Variants in ZNF680 observed in about 807,000 individuals in gnomAD.
ZNF680 encodes hypothetical protein FLJ90430.
Under a neutral mutation model 12.1 loss-of-function variants are expected in ZNF680, and 6 were observed. The ratio of observed to expected loss-of-function variants is 0.49; its 90% CI spans 0.27 to 0.98. The LOEUF (loss-of-function observed/expected upper bound fraction) is 0.98, where lower values mean the gene tolerates loss of function less well. Among genes scored for constraint, ZNF680 ranks in the 50% least tolerant of loss-of-function variants. The pLI is 0.12. For missense variants in ZNF680, 561 were observed against 616.3 expected (o/e 0.91, Z 0.95); for synonymous variants, 170 against 199.3 (o/e 0.85, Z 1.24).
intron 3 of ZNF680, among the ~76,000 whole-genome samples, chr7:64,528,990 C>T (rs565955675): frequency 6.6e-6 from 1 of 152,284 alleles, no homozygotes; most frequent in African/African-American, 2.4e-5. Context: ...AAACAGTTCA[C>T]AACACAGAAC....
intron 3 of ZNF680, among the ~76,000 whole-genome samples, chr7:64,528,133 G>A (rs766505870): frequency 9.9e-5 from 15 of 152,152 alleles, no homozygotes; most frequent in Admixed American, 3.3e-4. Context: ...GGTGGAAGAA[G>A]CAGCAGAAAA....
intron 3 of ZNF680, among the ~76,000 whole-genome samples, chr7:64,538,433 A>G (rs1786296783): frequency 6.6e-6 from 1 of 151,816 alleles, no homozygotes; most frequent in Non-Finnish European, 1.5e-5. Flanking sequence ...AAGTTGAATA[A>G]CAACTTAGAA....
At position 64,543,785 on chromosome 7, in the gene ZNF680, G is replaced by A. The variant is rs1344070853; in HGVS notation, c.175C>T (p.Pro59Ser). The A allele has an allele frequency of 1.2e-6, 2 of 1,612,930 alleles. No individual in the cohort carries two copies. Among genetic ancestry groups the A allele is most frequent in the South Asian group, 2.2e-5 (2 of 90,908 alleles). Residue 59 changes from proline to serine, a missense_variant, in exon 3 of 4, where the codon CCT (proline) becomes TCT (serine). Transcript: ENST00000309683. ...LVFLGIAVSK[P>S]HLITCLEQGK... ...TGCTCCAAACAGGTTATCAGGTGAG[G>A]CTTAGAGACAGCAATACCTGTTTTA...
rs148200049 is a variant in ZNF680 at position 64,549,591 on chromosome 7, C to T, written c.31-5159G>A. Reference sequence around the variant, plus strand: ...GGTGGCATCAACCTAGCTCTGCATTCTTGGGTGTTACAGCAAATGAGGTAC... The same window carrying T: ...GGTGGCATCAACCTAGCTCTGCATTTTTGGGTGTTACAGCAAATGAGGTAC... On this transcript the variant is annotated intron_variant, in intron 1 of 3. Transcript: ENST00000309683. 1.4e-4 allele frequency among the ~76,000 whole-genome samples: 21 copies of T among 151,986 alleles called. No individual in the cohort carries two copies. In the East Asian group the frequency reaches 4.1e-3, roughly 30 times the overall value.
chr7:64,557,236 G>A (rs1787465520), intron 1 of ZNF680, among the ~76,000 whole-genome samples: 1 of 150,818 alleles, frequency 6.6e-6, no homozygotes, highest in South Asian at 2.1e-4. Flanking sequence ...GGGCGACAGA[G>A]CGAGACACTG....
At chr7:64,558,205 A>G (rs1787527857) in intron 1 of ZNF680, among the ~76,000 whole-genome samples, 1 of 152,056 alleles carries the variant, frequency 6.6e-6, no homozygotes. Flanking sequence ...CTGCAGATTC[A>G]GTGTCTGGGG....
chr7:64,510,018 A>G, the ZNF680 span, among the ~76,000 whole-genome samples: 1 of 137,756 alleles, frequency 7.3e-6, no homozygotes, highest in Non-Finnish European at 1.6e-5. Flanking sequence ...TTAACCGTAA[A>G]ACTCTAAAAA....
intron 2 of ZNF680, 132 bp from the exon 3 acceptor site, chr7:64,543,934 C>T (rs1362948949): frequency 6.4e-6 from 5 of 781,978 alleles, no homozygotes; most frequent in South Asian, 2.0e-5. Context: ...TTATAACAGA[C>T]ATTTCTAAAT....
chr7:64,501,806 G>C, the ZNF680 span: 14 of 652,678 alleles, frequency 2.1e-5, no homozygotes, highest in Admixed American at 2.7e-4. Flanking sequence ...TTTTTTACCA[G>C]ATCTTCTTCT....
chr7:64,510,500 T>C, the ZNF680 span, among the ~76,000 whole-genome samples: 4 of 152,178 alleles, frequency 2.6e-5, no homozygotes, highest in East Asian at 7.7e-4. Flanking sequence ...AATCTAATTT[T>C]GCTCAGCCTC....
intron 3 of ZNF680, among the ~76,000 whole-genome samples, chr7:64,528,065 G>C (rs1376288269): frequency 6.6e-6 from 1 of 152,158 alleles, no homozygotes; most frequent in African/African-American, 2.4e-5. Flanking sequence ...TAGTTTGTGG[G>C]AGAAGATGCC....
At chr7:64,514,409 T>C in the ZNF680 span, among the ~76,000 whole-genome samples, 4 of 152,208 alleles carry the variant, frequency 2.6e-5, no homozygotes, top group African/African-American at 4.8e-5. Flanking sequence ...CTGCTAACTG[T>C]AACCACCCTA....
At chr7:64,535,263 G>A (rs1038218095) in intron 3 of ZNF680, among the ~76,000 whole-genome samples, 3 of 152,066 alleles carry the variant, frequency 2.0e-5, no homozygotes, top group Non-Finnish European at 2.9e-5. Flanking sequence ...TACTGGAGAC[G>A]CTGAAGTTAG....
At chr7:64,555,233 C>T (rs1296734694) in intron 1 of ZNF680, among the ~76,000 whole-genome samples, 4 of 151,966 alleles carry the variant, frequency 2.6e-5, no homozygotes, top group Non-Finnish European at 5.9e-5. Flanking sequence ...TACCATGTGG[C>T]ACATACTCCA....
At chr7:64,559,914 A>C (rs1787637221) in intron 1 of ZNF680, among the ~76,000 whole-genome samples, 1 of 152,168 alleles carries the variant, frequency 6.6e-6, no homozygotes, top group Admixed American at 6.5e-5. Flanking sequence ...ATTCATTTGG[A>C]AACACTTCTA....
At chr7:64,529,795 GA>G (rs1254825457) in intron 3 of ZNF680, among the ~76,000 whole-genome samples, 2 of 152,006 alleles carry the variant, frequency 1.3e-5, no homozygotes, top group African/African-American at 4.8e-5. Flanking sequence ...GATGCACAAA[GA>G]ACACCTGAGA....
intron 3 of ZNF680, among the ~76,000 whole-genome samples, chr7:64,523,203 C>A (rs11763264): frequency 0.23 from 34,262 of 151,880 alleles, 4,048 homozygotes; most frequent in South Asian, 0.28. Flanking sequence ...TTATAAATGT[C>A]TATTAATATA....
intron 1 of ZNF680, among the ~76,000 whole-genome samples, chr7:64,547,825 A>T (rs1786863754): frequency 6.6e-6 from 1 of 152,212 alleles, no homozygotes; most frequent in South Asian, 2.1e-4. Flanking sequence ...GGTTTTTATA[A>T]AAATAAAAAA....
Position 64,534,045 on chromosome 7 carries a change from C to G in ZNF680, c.253+9662G>C, listed in dbSNP as rs117984811. Among the ~76,000 whole-genome samples the G allele has an allele frequency of 5.3e-3, 810 of 152,188 alleles. 5 individuals carry two copies. Among genetic ancestry groups the G allele is most frequent in the Non-Finnish European group, 7.0e-3 (477 of 68,006 alleles). On this transcript the variant is annotated intron_variant, in intron 3 of 3. Coordinates refer to ENST00000309683, the MANE Select transcript of ZNF680 (RefSeq NM_178558.5). Reference sequence around the variant, plus strand: ...TAGATTAAGGACTTAAATGTAAGACCTGAAACTATAAAAATTCTGTAAGAT... The same window carrying G: ...TAGATTAAGGACTTAAATGTAAGACGTGAAACTATAAAAATTCTGTAAGAT...
Sources: allele counts gnomAD v4.1 joint callset (sites outside exome capture counted in the v4.1 genomes callset), GRCh38; gene constraint gnomAD v4.1.1; transcripts MANE v1.5; gene names NCBI Gene and HGNC (gene_info 2026-07-23, HGNC 2026-07-21).